The following THADA variants were observed in gnomAD, a reference collection of about 807,000 sequenced individuals.
The protein encoded by THADA is tRNA (32-2'-O)-methyltransferase regulator THADA.
THADA carries 213 observed loss-of-function variants against 219.8 expected under a neutral mutation model. The observed-to-expected ratio is 0.97, with a 90% CI of 0.87 to 1.09. The LOEUF is 1.09. THADA is among the 50% of genes least tolerant of loss of function. The pLI is 0.00. For synonymous variants in THADA, 1,018 were observed against 828.9 expected, an observed-to-expected ratio of 1.23 and a Z score of -3.92; for missense variants, 2,956 against 2,311.3, an observed-to-expected ratio of 1.28 and a Z score of -5.72.
chr2:43,256,861 G>A (rs746448144), intron 36 of THADA, among the ~76,000 whole-genome samples: 1 of 152,050 alleles, frequency 6.6e-6, no homozygotes. Flanking sequence ...TTATAGGTGC[G>A]AGCCACTACA....
chr2:43,578,844 C>G (rs17031084), intron 8 of THADA, among the ~76,000 whole-genome samples: 1 of 152,084 alleles, frequency 6.6e-6, no homozygotes, highest in Non-Finnish European at 1.5e-5. Context: ...TGAACATAAA[C>G]GCTTTTTAGA....
At chr2:43,342,015 AGCCTGG>A (rs1667112911) in intron 30 of THADA, among the ~76,000 whole-genome samples, 1 of 152,216 alleles carries the variant, frequency 6.6e-6, no homozygotes, top group African/African-American at 2.4e-5. Flanking sequence ...GTTCGAGACC[AGCCTGG>A]GCAATCTGTT....
At chr2:43,247,123 C>T (rs1406913793) in intron 36 of THADA, among the ~76,000 whole-genome samples, 3 of 152,192 alleles carry the variant, frequency 2.0e-5, no homozygotes, top group Non-Finnish European at 4.4e-5. Context: ...GAAAACTTCC[C>T]TTCCTTTAAG....
chr2:43,330,242 T>C (rs1042361297), intron 30 of THADA, among the ~76,000 whole-genome samples: 1 of 152,212 alleles, frequency 6.6e-6, no homozygotes, highest in Admixed American at 6.5e-5. Flanking sequence ...TGAGGACCCG[T>C]CTGGCTTGGG....
At chr2:43,335,391 T>A (rs933362204) in intron 30 of THADA, among the ~76,000 whole-genome samples, 1 of 152,172 alleles carries the variant, frequency 6.6e-6, no homozygotes, top group African/African-American at 2.4e-5. Context: ...TGAAAACGGA[T>A]AAATCCTCCA....
At chr2:43,330,941 C>T (rs1190573885) in intron 30 of THADA, among the ~76,000 whole-genome samples, 3 of 152,150 alleles carry the variant, frequency 2.0e-5, no homozygotes, top group African/African-American at 4.8e-5. Flanking sequence ...AGGAAGAAGT[C>T]GCCTGCCCCC....
intron 30 of THADA, among the ~76,000 whole-genome samples, chr2:43,342,036 C>G (rs999541735): frequency 6.6e-6 from 1 of 152,144 alleles, no homozygotes; most frequent in Non-Finnish European, 1.5e-5. Context: ...TCTGTTGAAA[C>G]TCCTTCTCCA....
chr2:43,390,820 G>A (rs906694480), intron 29 of THADA, among the ~76,000 whole-genome samples: 23 of 152,176 alleles, frequency 1.5e-4, no homozygotes, highest in African/African-American at 5.1e-4. Context: ...CGTAGCTGGT[G>A]TTCAATTAGC....
chr2:43,314,813 A>G (rs552416323), intron 31 of THADA, among the ~76,000 whole-genome samples: 16 of 152,346 alleles, frequency 1.1e-4, no homozygotes, highest in Middle Eastern at 3.4e-3. Flanking sequence ...AAAAGAACAC[A>G]GGGGACAGAG....
At chr2:43,402,893 G>A (rs1341474186) in intron 28 of THADA, among the ~76,000 whole-genome samples, 2 of 152,184 alleles carry the variant, frequency 1.3e-5, no homozygotes, top group Admixed American at 1.3e-4. Flanking sequence ...GCTTGGGTTT[G>A]GCAAGAAAGA....
chr2:43,268,733 T>C (rs533699357), intron 36 of THADA, among the ~76,000 whole-genome samples: 1 of 152,278 alleles, frequency 6.6e-6, no homozygotes, highest in Admixed American at 6.5e-5. Flanking sequence ...CCTGCAGAAC[T>C]TCTCGGGCAG....
chr2:43,268,400 C>A (rs1313378840), intron 36 of THADA, among the ~76,000 whole-genome samples: 5 of 152,178 alleles, frequency 3.3e-5, no homozygotes, highest in African/African-American at 7.2e-5. Flanking sequence ...CACCCTGCCC[C>A]ACGTGTGCAG....
rs867681644 is a variant in THADA at position 43,581,912 on chromosome 2, G to A, written c.550C>T (p.His184Tyr). The A allele has an allele frequency of 6.5e-7, 1 of 1,536,402 alleles. No homozygotes were observed. The highest frequency in any genetic ancestry group is 8.7e-7 in the Non-Finnish European group (1 of 1,147,686). Residue 184 changes from histidine to tyrosine, a missense_variant, in exon 8 of 38, where the codon CAT becomes TAT. Coordinates refer to ENST00000405975, the MANE Select transcript of THADA (RefSeq NM_022065.5). ...TTCATCAACTGTGTTTGAATAATAT[G>A]ATTTCCAGCACATTTTCTATAAAGA... ...LEENRKCAGNHIIQTQLMNDL... is the reference protein window; with the variant it reads ...LEENRKCAGNYIIQTQLMNDL...
At chr2:43,263,936 C>G (rs961124768) in intron 36 of THADA, among the ~76,000 whole-genome samples, 1 of 152,086 alleles carries the variant, frequency 6.6e-6, no homozygotes, top group Admixed American at 6.5e-5. Flanking sequence ...TTATAAATAT[C>G]ACCCTGTCTC....
chr2:43,456,723 CT>C (rs1312033614), intron 26 of THADA, among the ~76,000 whole-genome samples: 1 of 152,062 alleles, frequency 6.6e-6, no homozygotes, highest in Non-Finnish European at 1.5e-5. Flanking sequence ...ACACATTGTT[CT>C]TTTGTCTTGG....
chr2:43,490,943 C>G (rs2105032436), intron 25 of THADA, among the ~76,000 whole-genome samples: 1 of 152,164 alleles, frequency 6.6e-6, no homozygotes, highest in Middle Eastern at 3.4e-3. Flanking sequence ...TTTTAGAATT[C>G]TGTAAGTTAT....
intron 16 of THADA, among the ~76,000 whole-genome samples, chr2:43,556,969 G>A (rs1697435832): frequency 6.6e-6 from 1 of 152,152 alleles, no homozygotes; most frequent in African/African-American, 2.4e-5. Context: ...TGTAGTCCCA[G>A]CCATTCAAGA....
intron 22 of THADA, among the ~76,000 whole-genome samples, chr2:43,514,630 G>T (rs1574025012): frequency 9.2e-5 from 7 of 75,726 alleles, no homozygotes; most frequent in South Asian, 3.5e-4. Context: ...TTATATATAT[G>T]TATATTTTAT....
intron 26 of THADA, among the ~76,000 whole-genome samples, chr2:43,435,415 C>T (rs1261686066): frequency 9.4e-5 from 14 of 148,974 alleles, no homozygotes; most frequent in Admixed American, 9.4e-4. Context: ...GCCAAGACTG[C>T]ACCATTGCAT....
Sources: allele counts gnomAD v4.1 joint callset (sites outside exome capture counted in the v4.1 genomes callset), GRCh38; gene constraint gnomAD v4.1.1; transcripts MANE v1.5; gene names NCBI Gene and HGNC (gene_info 2026-07-23, HGNC 2026-07-21).